Variants in KIT observed in about 807,000 individuals in gnomAD.
KIT encodes mast/stem cell growth factor receptor Kit.
Under a neutral mutation model 105.7 loss-of-function variants are expected in KIT, and 16 were observed. That is an observed-to-expected ratio of 0.15 (90% CI 0.10 to 0.23). The LOEUF is 0.23. Ranked by LOEUF, KIT falls within the 10% of genes least tolerant of loss-of-function variation. The pLI is 1.00. For synonymous variants in KIT, 438 were observed against 441.1 expected, an observed-to-expected ratio of 0.99 and a Z score of 0.09; for missense variants, 858 against 1,213.8, an observed-to-expected ratio of 0.71 and a Z score of 4.36.
At chr4:54,662,270 T>G (rs1448221083) in intron 1 of KIT, among the ~76,000 whole-genome samples, 1 of 152,178 alleles carries the variant, frequency 6.6e-6, no homozygotes, top group African/African-American at 2.4e-5. Context: ...TACCTTGTGT[T>G]GGTCTGATGG....
intron 1 of KIT, among the ~76,000 whole-genome samples, chr4:54,663,386 T>C (rs1435841370): frequency 5.3e-5 from 8 of 152,168 alleles, no homozygotes; most frequent in Admixed American, 2.6e-4. Context: ...AGATTCTGCA[T>C]GTAATATGCT....
chr4:54,684,510 G>T (rs890245735), intron 1 of KIT, among the ~76,000 whole-genome samples: 7 of 151,974 alleles, frequency 4.6e-5, no homozygotes, highest in African/African-American at 7.3e-5. Context: ...TTTCTTTATT[G>T]CCATCTTCCT....
chr4:54,722,112 A>T (rs140166889), intron 7 of KIT, among the ~76,000 whole-genome samples: 1 of 151,934 alleles, frequency 6.6e-6, no homozygotes, highest in African/African-American at 2.4e-5. Flanking sequence ...CAGCCTACCG[A>T]GTAGCTGGGA....
chr4:54,689,874 A>C (rs2703475), intron 1 of KIT, among the ~76,000 whole-genome samples: 96,947 of 151,872 alleles, frequency 0.64, 32,880 homozygotes, highest in African/African-American at 0.89. Context: ...TCCATCCCCC[A>C]CTGTACTCCC....
At chr4:54,701,543 C>CT (rs1259358016) in intron 4 of KIT, among the ~76,000 whole-genome samples, 1 of 152,192 alleles carries the variant, frequency 6.6e-6, no homozygotes, top group Non-Finnish European at 1.5e-5. Flanking sequence ...CTTAATGCCT[C>CT]TAAACCCTCA....
chr4:54,719,463 A>G (rs1307651081), intron 7 of KIT, among the ~76,000 whole-genome samples: 1 of 152,210 alleles, frequency 6.6e-6, no homozygotes, highest in Non-Finnish European at 1.5e-5. Flanking sequence ...TGAGCAATAA[A>G]TTCTCAGCAG....
Position 54,723,642 on chromosome 4 carries a change from A to G in KIT, c.1290A>G (p.Ala430=), listed in dbSNP as rs55966164. 4.4e-5 allele frequency: 71 copies of G among 1,614,148 alleles called. No individual in the cohort carries two copies. The East Asian group carries it at 8.9e-4, about 20-fold the overall frequency. The change falls in exon 8 of 21, where the codon GCA becomes GCG. Residue 430 remains alanine (A), a synonymous_variant. Transcript: ENST00000288135. ...TGAATGGCATGCTCCAATGTGTGGC[A>G]GCAGGATTCCCAGAGCCCACAATAG... The part of the protein sequence containing the change: ...RLVNGMLQCV[A]AGFPEPTIDW...
chr4:54,702,493 T>C (rs1227196857), intron 4 of KIT, among the ~76,000 whole-genome samples: 1 of 152,156 alleles, frequency 6.6e-6, no homozygotes, highest in Admixed American at 6.5e-5. Context: ...GTCTAGTCCT[T>C]ATAAATGCTA....
At chr4:54,665,424 G>T (rs1717621447) in intron 1 of KIT, among the ~76,000 whole-genome samples, 1 of 152,196 alleles carries the variant, frequency 6.6e-6, no homozygotes. Flanking sequence ...CTGGGCAGAA[G>T]ATGGGCTCTT....
At chr4:54,697,055 A>G (rs1720120638) in intron 2 of KIT, among the ~76,000 whole-genome samples, 1 of 152,238 alleles carries the variant, frequency 6.6e-6, no homozygotes, top group African/African-American at 2.4e-5. Context: ...CCTTAATTAT[A>G]ACAAATGTAA....
At chr4:54,714,659 T>TA (rs1368225276) in intron 7 of KIT, among the ~76,000 whole-genome samples, 9 of 152,206 alleles carry the variant, frequency 5.9e-5, no homozygotes, top group Admixed American at 3.3e-4. Flanking sequence ...GAAGATCCTG[T>TA]AACCTTAAAG....
chr4:54,682,025 G>T (rs1207196491), intron 1 of KIT, among the ~76,000 whole-genome samples: 1 of 151,200 alleles, frequency 6.6e-6, no homozygotes, highest in Non-Finnish European at 1.5e-5. Flanking sequence ...TATTATAAGA[G>T]AATCACTGCT....
In KIT at chr4:54,736,597, C is replaced by G. The variant is rs779706462; in HGVS notation, c.2584C>G (p.Leu862Val). 1.2e-6 allele frequency: 2 copies of G among 1,612,992 alleles called. No individual in the cohort carries two copies. Among genetic ancestry groups the G allele is most frequent in the Non-Finnish European group, 1.7e-6 (2 of 1,179,006 alleles). The change falls in exon 18 of 21, where the codon CTG becomes GTG. Residue 862 changes from leucine (L) to valine (V), a missense_variant. Physicochemically the swap from Leu to Val is conservative, Grantham distance 32 (BLOSUM62 1). Around this residue, in one of 7 missense-constraint regions of KIT, gnomAD observed 63 missense variants for 137.4 expected, o/e 0.46. Transcript: ENST00000288135. Reference sequence around the variant, plus strand: ...GTCCTATGGGATTTTTCTTTGGGAGCTGTTCTCTTTAGGTAAAATGATCCT... The same window carrying G: ...GTCCTATGGGATTTTTCTTTGGGAGGTGTTCTCTTTAGGTAAAATGATCCT... The part of the protein sequence containing the change: ...VWSYGIFLWE[L>V]FSLGSSPYPG...
chr4:54,690,132 G>A (rs1408671847), intron 1 of KIT, among the ~76,000 whole-genome samples: 3 of 151,684 alleles, frequency 2.0e-5, no homozygotes, highest in Admixed American at 6.6e-5. Context: ...ACCACATTGG[G>A]TTTTATAAGT....
intron 7 of KIT, among the ~76,000 whole-genome samples, chr4:54,721,639 T>G (rs1721883702): frequency 6.6e-6 from 1 of 152,192 alleles, no homozygotes; most frequent in South Asian, 2.1e-4. Flanking sequence ...TACTCTGATC[T>G]CCGCCAACTC....
chr4:54,731,772 T>C (rs771580420), intron 15 of KIT, 99 bp from the exon 16 acceptor site: 3 of 1,255,482 alleles, frequency 2.4e-6, no homozygotes, highest in South Asian at 1.2e-5. Flanking sequence ...TTCACATTAG[T>C]TCATTCATTA....
chr4:54,699,844 C>G, intron 4 of KIT, 78 bp downstream of exon 4: 1 of 1,513,422 alleles, frequency 6.6e-7, no homozygotes, highest in Non-Finnish European at 9.2e-7. Context: ...AGAGTCTGTC[C>G]TGAAACTGCC....
chr4:54,732,453 G>A (rs558061272), intron 16 of KIT, among the ~76,000 whole-genome samples: 1 of 152,246 alleles, frequency 6.6e-6, no homozygotes, highest in African/African-American at 2.4e-5. Flanking sequence ...TAAGGGGTCA[G>A]AGGGAGTAAT....
In KIT at chr4:54,729,447, A is replaced by G. The variant is rs749457757; in HGVS notation, c.2103A>G (p.Ala701=). The change falls in exon 14 of 21, where the codon GCA becomes GCG. Residue 701 remains alanine (A), a synonymous_variant. Coordinates refer to ENST00000288135, the MANE Select transcript of KIT (RefSeq NM_000222.3). ...AGCAGGAAGATCATGCAGAAGCTGC[A>G]CTTTATAAGAATCTTCTGCATTCAA... ...CSKQEDHAEA[A]LYKNLLHSKE... The G allele has an allele frequency of 1.2e-6, 2 of 1,613,714 alleles. No individual in the cohort carries two copies. The highest frequency in any genetic ancestry group is 1.1e-5 in the South Asian group (1 of 91,074).
Sources: allele counts gnomAD v4.1 joint callset (sites outside exome capture counted in the v4.1 genomes callset), GRCh38; gene constraint gnomAD v4.1.1; regional missense constraint gnomAD v4.1.1; transcripts MANE v1.5; gene names NCBI Gene and HGNC (gene_info 2026-07-23, HGNC 2026-07-21).